Variants in CNTNAP2 observed in about 807,000 individuals in gnomAD.
CNTNAP2 encodes the protein contactin-associated protein-like 2.
CNTNAP2 carries 98 observed loss-of-function variants against 155.2 expected under a neutral mutation model. That is an observed-to-expected ratio of 0.63 (90% CI 0.54 to 0.75). The LOEUF (loss-of-function observed/expected upper bound fraction) is 0.75. CNTNAP2 is among the 30% of genes least tolerant of loss of function. The pLI, the probability that CNTNAP2 is intolerant of heterozygous loss-of-function variation, is 0.00. For synonymous variants in CNTNAP2, 651 were observed against 631.2 expected (o/e 1.03, Z -0.47); for missense variants, 1,727 against 1,688.1 (o/e 1.02, Z -0.40).
chr7:146,288,164 G>T (rs1008798970), intron 1 of CNTNAP2, among the ~76,000 whole-genome samples: 2 of 151,794 alleles, frequency 1.3e-5, no homozygotes, highest in Non-Finnish European at 2.9e-5. Flanking sequence ...CAGTCCTGGT[G>T]GTGTTTGCCT....
chr7:146,476,305 C>T (rs556490613), intron 1 of CNTNAP2, among the ~76,000 whole-genome samples: 19 of 152,178 alleles, frequency 1.2e-4, no homozygotes, highest in African/African-American at 4.3e-4. Context: ...ATTTTATGCT[C>T]ATTAGCAATT....
At chr7:147,511,192 C>A (rs375752871) in intron 11 of CNTNAP2, among the ~76,000 whole-genome samples, 1 of 151,896 alleles carries the variant, frequency 6.6e-6, no homozygotes, top group Admixed American at 6.6e-5. Flanking sequence ...TGCAGTTTTT[C>A]GCCCCTCTGG....
intron 13 of CNTNAP2, among the ~76,000 whole-genome samples, chr7:147,750,300 G>A (rs1054453913): frequency 9.9e-5 from 15 of 152,142 alleles, no homozygotes; most frequent in African/African-American, 3.6e-4. Context: ...CAAATAGCAT[G>A]GCTAAGAATA....
chr7:147,860,833 A>G (rs1799123050), intron 13 of CNTNAP2, among the ~76,000 whole-genome samples: 1 of 152,184 alleles, frequency 6.6e-6, no homozygotes, highest in Non-Finnish European at 1.5e-5. Context: ...ATGCAACAAT[A>G]CAGGGTTCAT....
intron 22 of CNTNAP2, among the ~76,000 whole-genome samples, chr7:148,397,022 A>G (rs1563072698): frequency 6.6e-6 from 1 of 152,232 alleles, no homozygotes; most frequent in African/African-American, 2.4e-5. Flanking sequence ...AAAAGTAGTG[A>G]TAACTTAAAT....
intron 12 of CNTNAP2, among the ~76,000 whole-genome samples, chr7:147,583,788 A>T (rs1800563858): frequency 6.6e-6 from 1 of 152,084 alleles, no homozygotes; most frequent in African/African-American, 2.4e-5. Context: ...TTAACAAAAT[A>T]ATTCATTGAT....
intron 1 of CNTNAP2, among the ~76,000 whole-genome samples, chr7:146,493,679 T>C (rs1185249311): frequency 6.6e-6 from 1 of 152,096 alleles, no homozygotes; most frequent in Non-Finnish European, 1.5e-5. Flanking sequence ...ATCTAGCATC[T>C]CAAGCCACCC....
intron 12 of CNTNAP2, 62 bp from the exon 13 acceptor site, chr7:147,639,044 G>C (rs753045085): frequency 6.6e-6 from 10 of 1,518,066 alleles, no homozygotes; most frequent in Non-Finnish European, 9.2e-6. Context: ...ATTATTTTCT[G>C]ACATTTGGAG....
chr7:147,267,295 T>C (rs1016961894), intron 8 of CNTNAP2, among the ~76,000 whole-genome samples: 1 of 152,128 alleles, frequency 6.6e-6, no homozygotes, highest in African/African-American at 2.4e-5. Flanking sequence ...AACAGAGTAA[T>C]GAAAAGCATG....
chr7:146,236,437 T>G (rs889496165), intron 1 of CNTNAP2, among the ~76,000 whole-genome samples: 1 of 152,164 alleles, frequency 6.6e-6, no homozygotes, highest in Non-Finnish European at 1.5e-5. Flanking sequence ...TTGTCTTATA[T>G]GAGTTGATTT....
chr7:146,295,941 A>G (rs1310968962), intron 1 of CNTNAP2, among the ~76,000 whole-genome samples: 1 of 152,116 alleles, frequency 6.6e-6, no homozygotes, highest in Non-Finnish European at 1.5e-5. Flanking sequence ...TGACAGAGCA[A>G]AGTGAAGCTG....
chr7:147,045,656 T>G (rs1799342698), intron 4 of CNTNAP2, among the ~76,000 whole-genome samples: 1 of 152,180 alleles, frequency 6.6e-6, no homozygotes, highest in Admixed American at 6.5e-5. Flanking sequence ...TGGTCCTATG[T>G]GGTCTAGACA....
chr7:146,730,810 C>T (rs1801512177), intron 1 of CNTNAP2, among the ~76,000 whole-genome samples: 1 of 152,084 alleles, frequency 6.6e-6, no homozygotes, highest in South Asian at 2.1e-4. Flanking sequence ...TTATTTCCAC[C>T]ACTTCCCATT....
chr7:148,288,389 G>A (rs1052711236), intron 21 of CNTNAP2, among the ~76,000 whole-genome samples: 10 of 151,966 alleles, frequency 6.6e-5, no homozygotes, highest in Non-Finnish European at 1.5e-4. Context: ...ATGAGCCACC[G>A]CGCCCCGCCT....
At chr7:146,796,907 C>A in intron 2 of CNTNAP2, among the ~76,000 whole-genome samples, 1 of 152,106 alleles carries the variant, frequency 6.6e-6, no homozygotes. Context: ...GAAGCTGAGG[C>A]AGGCAGATCA....
At chr7:147,569,241 C>CA (rs1164800144) in intron 12 of CNTNAP2, among the ~76,000 whole-genome samples, 1 of 152,112 alleles carries the variant, frequency 6.6e-6, no homozygotes, top group Non-Finnish European at 1.5e-5. Context: ...GTATTAGTAT[C>CA]GTATTTAGTA....
chr7:148,394,854 C>T (rs900531915), intron 22 of CNTNAP2, among the ~76,000 whole-genome samples: 7 of 152,274 alleles, frequency 4.6e-5, no homozygotes, highest in African/African-American at 1.7e-4. Context: ...TGGTAGATTT[C>T]ATAGGTTTCC....
intron 15 of CNTNAP2, among the ~76,000 whole-genome samples, chr7:148,040,522 T>C (rs1316580845): frequency 2.0e-5 from 3 of 152,192 alleles, no homozygotes; most frequent in African/African-American, 7.2e-5. Flanking sequence ...ACATGAACAA[T>C]ATTCTGAATC....
chr7:147,691,842 A>G (rs1459310377), intron 13 of CNTNAP2, among the ~76,000 whole-genome samples: 1 of 152,092 alleles, frequency 6.6e-6, no homozygotes, highest in East Asian at 1.9e-4. Context: ...ATTTGTTACA[A>G]TCAATAAACC....
Sources: allele counts gnomAD v4.1 joint callset (sites outside exome capture counted in the v4.1 genomes callset), GRCh38; gene constraint gnomAD v4.1.1; transcripts MANE v1.5; gene names NCBI Gene and HGNC (gene_info 2026-07-23, HGNC 2026-07-21).